Variants in SPTBN4 observed in about 807,000 individuals in gnomAD.
SPTBN4 encodes spectrin beta, non-erythrocytic 4, also known as spectrin beta chain, non-erythrocytic 4.
SPTBN4 carries 96 observed loss-of-function variants against 277.8 expected under a neutral mutation model. That is an observed-to-expected ratio of 0.35 (90% CI 0.29 to 0.41). The LOEUF (loss-of-function observed/expected upper bound fraction) is 0.41, where lower values mean the gene tolerates loss of function less well. Ranked by LOEUF, SPTBN4 falls within the 10% of genes least tolerant of loss-of-function variation. The pLI, the probability that SPTBN4 is intolerant of heterozygous loss-of-function variation, is 1.00. For synonymous variants in SPTBN4, 1,481 were observed against 1,580.3 expected (o/e 0.94, Z 1.49); for missense variants, 3,006 against 3,595.7 (o/e 0.84, Z 4.19).
At chr19:40,498,428 T>C (rs1368560655) in intron 7 of SPTBN4, among the ~76,000 whole-genome samples, 1 of 151,348 alleles carries the variant, frequency 6.6e-6, no homozygotes, top group African/African-American at 2.4e-5. Flanking sequence ...TTTTTTTAGA[T>C]GGAGTCTCAC....
chr19:40,506,288 T>A lies in SPTBN4; in HGVS notation c.1718T>A (p.Leu573Gln), dbSNP rs755464910. Residue 573 changes from leucine to glutamine, a missense_variant, in exon 13 of 36, where the codon CTG becomes CAG. Transcript: ENST00000598249. The stretch of plus-strand genomic sequence containing the variant: ...CAGCACCTGGTGGAGGCAGACGACC[T>A]GTTGCAGAAGCATGGACTGCTGGAG... ...CGQHLVEADDLLQKHGLLEGD... is the reference protein window; with the variant it reads ...CGQHLVEADDQLQKHGLLEGD... 16 of 1,613,882 alleles carry A rather than the reference T, an allele frequency of 9.9e-6. No homozygotes were observed. The highest frequency in any genetic ancestry group is 1.6e-4 in the Middle Eastern group (1 of 6,080).
intron 18 of SPTBN4, among the ~76,000 whole-genome samples, chr19:40,529,867 C>G (rs2080642261): frequency 6.6e-6 from 1 of 152,132 alleles, no homozygotes; most frequent in South Asian, 2.1e-4. Flanking sequence ...TTTCTTCCAA[C>G]CAAAGCTGGT....
Position 40,567,875 on chromosome 19 carries a change from C to G in SPTBN4, c.6549C>G (p.Leu2183=). The G allele has an allele frequency of 6.6e-7, 1 of 1,525,132 alleles. No homozygotes were observed. The highest frequency in any genetic ancestry group is 8.8e-7 in the Non-Finnish European group (1 of 1,138,712). The allele number at this position is 1,525,132 out of a possible 1,614,324, so 94.5% of individuals were successfully genotyped here. A position where few individuals can be genotyped will look rare whatever the true frequency, so the allele number is the denominator to read the frequency against. Residue 2183 remains leucine, a synonymous_variant, in exon 31 of 36, where the codon CTC becomes CTG. Transcript: ENST00000598249. Reference sequence around the variant, plus strand: ...GGGTGGGGTATGTGCGCCAGGAGCTCAAGCCCGAGCGCCTCCAGCCGCGCA... The same window carrying G: ...GGGTGGGGTATGTGCGCCAGGAGCTGAAGCCCGAGCGCCTCCAGCCGCGCA... The part of the protein sequence containing the change: ...RTRVGYVRQE[L]KPERLQPRID...
intron 17 of SPTBN4, among the ~76,000 whole-genome samples, chr19:40,524,384 G>C (rs964267185): frequency 6.6e-6 from 1 of 151,652 alleles, no homozygotes; most frequent in Non-Finnish European, 1.5e-5. Flanking sequence ...ATGCGTGCCT[G>C]TAGTCCCAGC....
rs2080405662 is a variant in SPTBN4 at position 40,512,783 on chromosome 19, G to C, written c.1994G>C (p.Arg665Pro). Residue 665 changes from arginine to proline, a missense_variant, in exon 14 of 36, where the codon CGT (arginine) becomes CCT (proline). Transcript: ENST00000598249. ...EAESWARDKE[R>P]LLEAAGGGGA... is the part of the protein sequence containing the mutation. ...GAGAGCTGGGCGCGCGACAAGGAGC[G>C]TCTCCTGGAGGCTGCGGGCGGCGGC... The C allele has an allele frequency of 6.7e-7, 1 of 1,485,216 alleles. No homozygotes were observed. The highest frequency in any genetic ancestry group is 8.9e-7 in the Non-Finnish European group (1 of 1,129,496). 92.0% of individuals were successfully genotyped at this position (1,485,216 alleles called of 1,614,324 possible).
Position 40,513,336 on chromosome 19 carries a change from G to A in SPTBN4, c.2547G>A (p.Val849=), listed in dbSNP as rs952107402. Residue 849 remains valine, a synonymous_variant, in exon 14 of 36, where the codon GTG becomes GTA. Coordinates refer to ENST00000598249, the MANE Select transcript of SPTBN4 (RefSeq NM_020971.3). ...GTGCCAGTGGCGCAGGGCCACTGGT[G>A]GTGGCGCTGCAGGTGCGCGTGGTGG... ...LGGASGAGPL[V]VALQVRVVEA... 6.3e-7 allele frequency: 1 copy of A among 1,585,968 alleles called. No homozygotes were observed.
intron 30 of SPTBN4, 85 bp downstream of exon 30, chr19:40,566,444 G>T: frequency 7.8e-7 from 1 of 1,275,502 alleles, no homozygotes; most frequent in Non-Finnish European, 1.0e-6. Flanking sequence ...GACACACCGA[G>T]ACATGGTGCT....
At chr19:40,567,329 A>ATAAATAAT (rs2081104194) in intron 30 of SPTBN4, among the ~76,000 whole-genome samples, 1 of 151,528 alleles carries the variant, frequency 6.6e-6, no homozygotes, top group Non-Finnish European at 1.5e-5. Context: ...AAATAAATAA[A>ATAAATAAT]TAAATAAATA....
At chr19:40,477,144 A>G (rs947192114) in intron 2 of SPTBN4, among the ~76,000 whole-genome samples, 8 of 151,854 alleles carry the variant, frequency 5.3e-5, no homozygotes, top group South Asian at 2.1e-4. Flanking sequence ...GGCTTGAGCA[A>G]TCCTCCCACC....
intron 25 of SPTBN4, 40 bp downstream of exon 25, chr19:40,556,328 C>G: frequency 1.9e-6 from 3 of 1,558,678 alleles, no homozygotes; most frequent in Non-Finnish European, 2.6e-6. Flanking sequence ...GGAGCTACCA[C>G]TAAGGTTCTC....
chr19:40,570,759 G>A, intron 33 of SPTBN4, 31 bp downstream of exon 33: 1 of 1,594,696 alleles, frequency 6.3e-7, no homozygotes, highest in Non-Finnish European at 8.5e-7. Context: ...TTGGAAGGCG[G>A]GTCTCAGGCT....
rs779284752 is a variant in SPTBN4 at position 40,519,950 on chromosome 19, G to A, written c.3453G>A (p.Ala1151=). 1.1e-5 allele frequency: 17 copies of A among 1,541,548 alleles called. No individual in the cohort carries two copies. The African/African-American group carries it at 2.3e-4, about 21-fold the overall frequency. The part of the protein sequence containing the change: ...QREEDYARIV[A]ASEALLAADG... ...AGGAAGACTATGCTCGCATCGTGGC[G>A]GCCAGCGAGGCGCTGCTGGCCGCCG... The change falls in exon 16 of 36, where the codon GCG becomes GCA. Residue 1151 remains alanine (A), a synonymous_variant. Coordinates refer to ENST00000598249, the MANE Select transcript of SPTBN4 (RefSeq NM_020971.3). The surrounding 1 kb of genome is among the most constrained non-coding windows in gnomAD (Gnocchi z 5.7).
chr19:40,543,423 C>G (rs1466917368), intron 20 of SPTBN4, among the ~76,000 whole-genome samples: 2 of 151,966 alleles, frequency 1.3e-5, no homozygotes, highest in Non-Finnish European at 1.5e-5. Flanking sequence ...CCATGACTCT[C>G]TAGGTTTCAT....
intron 19 of SPTBN4, 145 bp from the exon 20 acceptor site, chr19:40,533,931 GTCTC>G: frequency 1.0e-6 from 1 of 989,408 alleles, no homozygotes; most frequent in Non-Finnish European, 1.4e-6. Flanking sequence ...CACCCCTCAT[GTCTC>G]TCTCTCCCTA....
intron 1 of SPTBN4, among the ~76,000 whole-genome samples, chr19:40,467,627 G>C (rs935249053): frequency 6.7e-6 from 1 of 149,204 alleles, no homozygotes; most frequent in South Asian, 2.1e-4. Flanking sequence ...CCTTTGCGGG[G>C]GGGGGGGGGT....
intron 32 of SPTBN4, 90 bp from the exon 33 acceptor site, chr19:40,570,346 G>T: frequency 1.2e-6 from 1 of 820,278 alleles, no homozygotes; most frequent in South Asian, 1.9e-5. Context: ...CCTGTAGACA[G>T]ATGGGACCCC....
chr19:40,487,682 G>A lies in SPTBN4; in HGVS notation c.170-15G>A. The A allele has an allele frequency of 1.2e-6, 2 of 1,605,466 alleles. No individual in the cohort carries two copies. The highest frequency in any genetic ancestry group is 1.7e-6 in the Non-Finnish European group (2 of 1,175,784). ...GGTGGAAGCGCCTGGGGGCTCATCAGGGCCTCTCCTCCAGATGAGCGGGAA... is the reference window on the plus strand; with the variant it reads ...GGTGGAAGCGCCTGGGGGCTCATCAAGGCCTCTCCTCCAGATGAGCGGGAA... On this transcript the variant is annotated splice_polypyrimidine_tract_variant and intron_variant, in intron 2 of 35. Transcript: ENST00000598249.
intron 13 of SPTBN4, among the ~76,000 whole-genome samples, chr19:40,510,767 A>C (rs1190644333): frequency 6.6e-6 from 1 of 152,094 alleles, no homozygotes; most frequent in East Asian, 1.9e-4. Flanking sequence ...CACGCCTGTA[A>C]TCCCAGTACT....
intron 3 of SPTBN4, among the ~76,000 whole-genome samples, chr19:40,488,752 G>T (rs887152835): frequency 6.6e-6 from 1 of 152,206 alleles, no homozygotes; most frequent in African/African-American, 2.4e-5. Context: ...CGAGGCTGCA[G>T]TGAGCCATGA....
Sources: allele counts gnomAD v4.1 joint callset (sites outside exome capture counted in the v4.1 genomes callset), GRCh38; gene constraint gnomAD v4.1.1; non-coding constraint Gnocchi (gnomAD v3.1); transcripts MANE v1.5; gene names NCBI Gene and HGNC (gene_info 2026-07-23, HGNC 2026-07-21).